Variants in DNAJC14 observed in about 807,000 individuals in gnomAD.
The protein encoded by DNAJC14 is DnaJ heat shock protein family (Hsp40) member C14, also known as dnaJ homolog subfamily C member 14.
In DNAJC14, 12 loss-of-function variants were observed where a neutral mutation model predicts 68.8. The ratio of observed to expected loss-of-function variants is 0.17; its 90% CI spans 0.11 to 0.28. DNAJC14 has a LOEUF of 0.28. Ranked by LOEUF, DNAJC14 falls within the 10% of genes least tolerant of loss-of-function variation. DNAJC14 has a pLI of 1.00. For synonymous variants in DNAJC14, 350 were observed against 321.5 expected (o/e 1.09, Z -0.95); for missense variants, 764 against 875.6 (o/e 0.87, Z 1.61).
rs757739373 is a variant in DNAJC14 at position 55,823,184 on chromosome 12, C to T, written c.1520G>A (p.Arg507Gln). ...CCGGCTCAGCTCATTCTCTGCCATT[C>T]GTTTCCTAATAGAAGAAATGCTTTG... ...AEKRKEYEMK[R>Q]MAENELSRSV... Residue 507 changes from arginine to glutamine, a missense_variant, in exon 4 of 7, where the codon CGA becomes CAA. By Grantham distance (43) the Arg-to-Gln change is conservative. Coordinates refer to ENST00000678005, the MANE Select transcript of DNAJC14 (RefSeq NM_032364.6). 1.9e-6 allele frequency: 3 copies of T among 1,614,122 alleles called. No individual in the cohort carries two copies. Among genetic ancestry groups the T allele is most frequent in the South Asian group, 1.1e-5 (1 of 91,078 alleles).
chr12:55,827,864 G>A lies in DNAJC14; in HGVS notation c.795C>T (p.Tyr265=), dbSNP rs140128391. The A allele has an allele frequency of 5.3e-5, 86 of 1,613,364 alleles. No homozygotes were observed. Among genetic ancestry groups the A allele is most frequent in the Non-Finnish European group, 6.5e-5 (77 of 1,179,616 alleles). ...LIELLVLVGE[Y]VETCGHLIYA... ...AGATGAGATGGCCACAAGTTTCTAC[G>A]TACTCTCCCACCAATACCAGCAGTT... Residue 265 remains tyrosine, a synonymous_variant, in exon 2 of 7, where the codon TAC becomes TAT. Coordinates refer to ENST00000678005, the MANE Select transcript of DNAJC14 (RefSeq NM_032364.6).
intron 1 of DNAJC14, 93 bp downstream of exon 1, chr12:55,829,396 G>A: frequency 1.0e-6 from 1 of 982,266 alleles, no homozygotes; most frequent in Non-Finnish European, 1.2e-6. Flanking sequence ...AGTGAACCGA[G>A]ATCGTGCCAC....
At chr12:55,829,058 T>G in intron 1 of DNAJC14, 1 of 984,422 alleles carries the variant, frequency 1.0e-6, no homozygotes, top group Non-Finnish European at 1.2e-6. Context: ...CTTCCAGTAA[T>G]GGGTGGGGGC....
chr12:55,828,160 A>C lies in DNAJC14; in HGVS notation c.499T>G (p.Leu167Val), dbSNP rs766665124. ...CTSPALGEDE[L>V]EEEYDDEESL... is the part of the protein sequence containing the mutation. ...TCTTCATCATCATATTCCTCTTCCA[A>C]CTCATCTTCCCCCAAAGCTGGAGAG... is the stretch of plus-strand genomic sequence containing the variant. The change falls in exon 2 of 7, where the codon TTG (leucine) becomes GTG (valine). Residue 167 changes from leucine (L) to valine (V), a missense_variant. Around this residue, in one of 4 missense-constraint regions of DNAJC14, gnomAD observed 514 missense variants for 521.7 expected, o/e 0.99. Coordinates refer to ENST00000678005, the MANE Select transcript of DNAJC14 (RefSeq NM_032364.6). The C allele has an allele frequency of 8.1e-6, 13 of 1,611,802 alleles. No individual in the cohort carries two copies. The East Asian group carries it at 2.5e-4, about 30-fold the overall frequency.
chr12:55,823,314 A>C, intron 3 of DNAJC14, 88 bp downstream of exon 3: 1 of 1,598,050 alleles, frequency 6.3e-7, no homozygotes, highest in East Asian at 2.2e-5. Flanking sequence ...TCTCCATCTC[A>C]ACAAGCCTCC....
At chr12:55,829,624 G>C (rs1237064209), upstream of DNAJC14, 2 of 984,746 alleles carry the variant, frequency 2.0e-6, no homozygotes, top group African/African-American at 1.7e-5. Context: ...CCGGCGACCT[G>C]GGCCTACTTC....
chr12:55,829,038 G>A, intron 1 of DNAJC14: 7 of 911,288 alleles, frequency 7.7e-6, no homozygotes, highest in Non-Finnish European at 7.9e-6. Context: ...GCCGGAAAGG[G>A]GGCCACAGAC....
intron 2 of DNAJC14, among the ~76,000 whole-genome samples, chr12:55,824,751 G>A (rs1880749602): frequency 6.6e-6 from 1 of 152,110 alleles, no homozygotes; most frequent in African/African-American, 2.4e-5. Flanking sequence ...TCCAAAACAG[G>A]ATGTCTACTA....
In DNAJC14 at chr12:55,828,452, A is replaced by G. The variant is rs947295461; in HGVS notation, c.207T>C (p.His69=). Residue 69 remains histidine, a synonymous_variant, in exon 2 of 7, where the codon CAT becomes CAC. Coordinates refer to ENST00000678005, the MANE Select transcript of DNAJC14 (RefSeq NM_032364.6). ...GGGGGCCATGGCTTGGGTCCAACCA[A>G]TGGGCTGGGTTTGGGTGCTGTGTGT... ...PKHTQHPNPA[H]WLDPSHGPPG... The G allele has an allele frequency of 6.2e-7, 1 of 1,614,004 alleles. No individual in the cohort carries two copies. The highest frequency in any genetic ancestry group is 1.1e-5 in the South Asian group (1 of 91,078).
In DNAJC14 at chr12:55,822,728, ACCT is replaced by A; in HGVS notation, c.1636_1638del (p.Arg546del). 1 of 1,613,662 alleles carries A rather than the reference ACCT, an allele frequency of 6.2e-7. No homozygotes were observed. The highest frequency in any genetic ancestry group is 8.5e-7 in the Non-Finnish European group (1 of 1,179,850). ...CTCTTAGGTTCCCGGTCCATTTCAA[ACCT>A]CCTGCAACCAACAAAAGGATAGTTC... is the stretch of plus-strand genomic sequence containing the variant. On this transcript the variant is annotated inframe_deletion and splice_region_variant, in exon 5 of 7. Coordinates refer to ENST00000678005, the MANE Select transcript of DNAJC14 (RefSeq NM_032364.6).
At position 55,827,135 on chromosome 12, in the gene DNAJC14, G is replaced by A. The variant is rs1348789910; in HGVS notation, c.1407+117C>T. The A allele has an allele frequency of 1.0e-5, 11 of 1,083,640 alleles. No homozygotes were observed. In the East Asian group the frequency reaches 2.8e-4, roughly 28 times the overall value. The allele number at this position is 1,083,640 out of a possible 1,614,324, so 67.1% of individuals were successfully genotyped here. The stretch of plus-strand genomic sequence containing the variant: ...GAACCCAGGAGGCGGAGGTTGTAGT[G>A]AGCTGAGATTGTGCCACTGCACTCC... On this transcript the variant is annotated intron_variant, in intron 2 of 6. Coordinates refer to ENST00000678005, the MANE Select transcript of DNAJC14 (RefSeq NM_032364.6).
Position 55,822,013 on chromosome 12 carries a change from C to T in DNAJC14, c.2073G>A (p.Lys691=). The T allele has an allele frequency of 6.2e-7, 1 of 1,613,520 alleles. No individual in the cohort carries two copies. Among genetic ancestry groups the T allele is most frequent in the Non-Finnish European group, 8.5e-7 (1 of 1,179,766 alleles). Reference sequence around the variant, plus strand: ...AGGGCCTCCTCACTTTCTTCCGCCGCTTAGGTTTGGCTTCTCCCTTGGGTA... The same window carrying T: ...AGGGCCTCCTCACTTTCTTCCGCCGTTTAGGTTTGGCTTCTCCCTTGGGTA... ...STVPKGEAKP[K]RRKKVRRPFQ... is the part of the protein sequence containing the mutation. The change falls in exon 7 of 7, where the codon AAG becomes AAA. Residue 691 remains lysine (K), a synonymous_variant. Coordinates refer to ENST00000678005, the MANE Select transcript of DNAJC14 (RefSeq NM_032364.6).
Position 55,825,688 on chromosome 12 carries a change from C to T in DNAJC14, c.1407+1564G>A, listed in dbSNP as rs182312412. ...CCTCCCGAGTAGCTGGGACTACAGG[C>T]GCCCGCCACCACACCCGGCTAATTT... On this transcript the variant is annotated intron_variant, in intron 2 of 6. Coordinates refer to ENST00000678005, the MANE Select transcript of DNAJC14 (RefSeq NM_032364.6). Among the ~76,000 whole-genome samples the T allele has an allele frequency of 3.1e-3, 470 of 151,900 alleles. 3 individuals are homozygous for T. The highest frequency in any genetic ancestry group is 0.011 in the African/African-American group (440 of 41,426).
intron 2 of DNAJC14, among the ~76,000 whole-genome samples, chr12:55,826,523 T>C (rs1684782968): frequency 6.6e-6 from 1 of 152,072 alleles, no homozygotes; most frequent in Non-Finnish European, 1.5e-5. Context: ...GTTAACCAGC[T>C]GGGCACAGTG....
intron 1 of DNAJC14, 135 bp from the exon 2 acceptor site, chr12:55,828,849 AGCAATAAGCCAAAACTAGACTC>A: frequency 8.4e-7 from 1 of 1,188,364 alleles, no homozygotes; most frequent in African/African-American, 1.5e-5. Context: ...CGCTATTCCT[AGCAATAAGCCAAAACTAGACTC>A]ACCACAACCC....
In DNAJC14 at chr12:55,822,552, T is replaced by C; in HGVS notation, c.1795+20A>G. 1 of 1,614,062 alleles carries C rather than the reference T, an allele frequency of 6.2e-7. No homozygotes were observed. The highest frequency in any genetic ancestry group is 1.1e-5 in the South Asian group (1 of 91,082). On this transcript the variant is annotated intron_variant, in intron 5 of 6. Transcript: ENST00000678005. ...AAGATCAGGAAGTATGAGCCTGTATTTCTAGAGGACAGAGAGTACCTGTGA... is the reference window on the plus strand; with the variant it reads ...AAGATCAGGAAGTATGAGCCTGTATCTCTAGAGGACAGAGAGTACCTGTGA...
Position 55,828,239 on chromosome 12 carries a change from C to T in DNAJC14, c.420G>A (p.Gly140=). The change falls in exon 2 of 7, where the codon GGG becomes GGA. Residue 140 remains glycine, a synonymous_variant. Transcript: ENST00000678005. ...AACCATTTCCTCCCTCAGAGTAAGGCCCTTCTGGAATTCCAGGTGTTCCCT... is the reference window on the plus strand; with the variant it reads ...AACCATTTCCTCCCTCAGAGTAAGGTCCTTCTGGAATTCCAGGTGTTCCCT... ...NCQGTPGIPE[G]PYSEGGNGSS... The T allele has an allele frequency of 6.2e-7, 1 of 1,607,700 alleles. No homozygotes were observed. Among genetic ancestry groups the T allele is most frequent in the Non-Finnish European group, 8.5e-7 (1 of 1,176,962 alleles).
In DNAJC14 at chr12:55,822,101, T is replaced by G. The variant is rs1411005037; in HGVS notation, c.1985A>C (p.Asn662Thr). The change falls in exon 7 of 7, where the codon AAC becomes ACC. Residue 662 changes from asparagine to threonine, a missense_variant. By Grantham distance (65) the Asn-to-Thr change is moderately conservative. This residue lies in a region of DNAJC14 where 134 missense variants were observed against 162.3 expected (regional missense o/e 0.83). Coordinates refer to ENST00000678005, the MANE Select transcript of DNAJC14 (RefSeq NM_032364.6). ...GGCAGGCTGAGGAGCTGCAAAGAAG[T>G]TCCCATTGGGCATCTGCCCTGGGGG... is the stretch of plus-strand genomic sequence containing the variant. ...QVPPGQMPNG[N>T]FFAAPQPAPG... The G allele has an allele frequency of 6.2e-7, 1 of 1,613,956 alleles. No individual in the cohort carries two copies. Among genetic ancestry groups the G allele is most frequent in the Admixed American group, 1.7e-5 (1 of 59,964 alleles).
In DNAJC14 at chr12:55,822,676, C is replaced by T. The variant is rs944453956; in HGVS notation, c.1691G>A (p.Arg564Lys). ...KSARYCAECN[R>K]LHPAEEGDFW... ...GTCTCCTTCCTCAGCAGGATGCAGC[C>T]TATTACACTCAGCACAGTATCTGGC... Residue 564 changes from arginine (R) to lysine (K), a missense_variant, in exon 5 of 7, where the codon AGG becomes AAG. Physicochemically the swap from Arg to Lys is conservative, Grantham distance 26. Coordinates refer to ENST00000678005, the MANE Select transcript of DNAJC14 (RefSeq NM_032364.6). The T allele has an allele frequency of 6.2e-7, 1 of 1,614,076 alleles. No homozygotes were observed. Among genetic ancestry groups the T allele is most frequent in the African/African-American group, 1.3e-5 (1 of 74,908 alleles).
Sources: allele counts gnomAD v4.1 joint callset (sites outside exome capture counted in the v4.1 genomes callset), GRCh38; gene constraint gnomAD v4.1.1; regional missense constraint gnomAD v4.1.1; transcripts MANE v1.5; gene names NCBI Gene and HGNC (gene_info 2026-07-23, HGNC 2026-07-21).